Variants in FBXL13 observed in about 807,000 individuals in gnomAD.
The protein encoded by FBXL13 is F-box and leucine rich repeat protein 13.
In FBXL13, 67 loss-of-function variants were observed where a neutral mutation model predicts 83.6. The ratio of observed to expected loss-of-function variants is 0.80; its 90% CI spans 0.66 to 0.98. FBXL13 has a LOEUF of 0.98. Among genes scored for constraint, FBXL13 ranks in the 50% least tolerant of loss-of-function variants. FBXL13 has a pLI of 0.00. For missense variants in FBXL13, 822 were observed against 866.5 expected (o/e 0.95, Z 0.64); for synonymous variants, 272 against 299.5 (o/e 0.91, Z 0.95).
At chr7:102,833,466 C>T (rs191704534) in intron 17 of FBXL13, among the ~76,000 whole-genome samples, 180 of 143,864 alleles carry the variant, frequency 1.3e-3, no homozygotes, top group Non-Finnish European at 2.1e-3. Flanking sequence ...GAGTCTTCCT[C>T]TGTTGCCCAG....
chr7:102,938,454 G>A (rs1759807249), intron 8 of FBXL13, among the ~76,000 whole-genome samples: 1 of 152,120 alleles, frequency 6.6e-6, no homozygotes, highest in African/African-American at 2.4e-5. Flanking sequence ...CTGCTAAATG[G>A]GGAAATTACC....
exon 17 of FBXL13, chr7:102,854,779 G>T: frequency 1.3e-6 from 2 of 1,556,288 alleles, no homozygotes; most frequent in Non-Finnish European, 1.7e-6. Flanking sequence ...GATCTTACCT[G>T]AATTCCATCA....
chr7:102,854,737 T>C (rs1244090686), intron 17 of FBXL13, 40 bp downstream of exon 18: 1 of 1,294,988 alleles, frequency 7.7e-7, no homozygotes, highest in Non-Finnish European at 1.1e-6. Flanking sequence ...AAGAAAAATT[T>C]CAATCTTAAT....
intron 10 of FBXL13, among the ~76,000 whole-genome samples, chr7:102,914,851 G>A (rs569627681): frequency 1.3e-5 from 2 of 152,154 alleles, no homozygotes; most frequent in African/African-American, 2.4e-5. Context: ...TTGGAAATGC[G>A]TTATCTTCCT....
chr7:102,894,568 T>A (rs1383126041), intron 11 of FBXL13, among the ~76,000 whole-genome samples: 1 of 151,260 alleles, frequency 6.6e-6, no homozygotes, highest in African/African-American at 2.4e-5. Flanking sequence ...AGAAAAAAAA[T>A]TTGAAAAGAA....
intron 6 of FBXL13, among the ~76,000 whole-genome samples, chr7:102,981,564 A>T (rs948820380): frequency 6.6e-6 from 1 of 152,208 alleles, no homozygotes; most frequent in African/African-American, 2.4e-5. Flanking sequence ...AGTACTATAG[A>T]CTGAGTAACT....
At chr7:102,967,974 T>C in intron 7 of FBXL13, 48 bp downstream of exon 8, 1 of 1,421,738 alleles carries the variant, frequency 7.0e-7, no homozygotes, top group African/African-American at 1.4e-5. Flanking sequence ...CAGTCCATTC[T>C]CCTTTAAGAA....
At chr7:102,925,801 C>T (rs556610518) in intron 10 of FBXL13, among the ~76,000 whole-genome samples, 106 of 152,104 alleles carry the variant, frequency 7.0e-4, no homozygotes, top group South Asian at 3.3e-3. Flanking sequence ...AATAGCCAGG[C>T]GTGGTGGTGG....
intron 11 of FBXL13, among the ~76,000 whole-genome samples, chr7:102,904,729 T>C (rs1247253194): frequency 6.6e-6 from 1 of 152,068 alleles, no homozygotes; most frequent in Non-Finnish European, 1.5e-5. Flanking sequence ...GTTTTTCCTC[T>C]TTTTTGATGT....
At chr7:102,923,962 G>C (rs1338706769) in intron 10 of FBXL13, among the ~76,000 whole-genome samples, 1 of 152,028 alleles carries the variant, frequency 6.6e-6, no homozygotes, top group Non-Finnish European at 1.5e-5. Flanking sequence ...AAACTAGGCT[G>C]GGCGCAGTGG....
chr7:102,955,624 A>G (rs1824141158), intron 8 of FBXL13, among the ~76,000 whole-genome samples: 1 of 151,988 alleles, frequency 6.6e-6, no homozygotes, highest in Admixed American at 6.6e-5. Flanking sequence ...AGATCAACAG[A>G]ATTGACAGAC....
intron 8 of FBXL13, among the ~76,000 whole-genome samples, chr7:102,941,194 T>A (rs1422406854): frequency 6.6e-6 from 1 of 152,142 alleles, no homozygotes; most frequent in Non-Finnish European, 1.5e-5. Context: ...TCAAAAGCAA[T>A]TTTCATTTTT....
chr7:103,046,490 T>C (rs1454761061), intron 2 of FBXL13, among the ~76,000 whole-genome samples: 1 of 151,764 alleles, frequency 6.6e-6, no homozygotes, highest in Non-Finnish European at 1.5e-5. Context: ...CTAAGAGGAG[T>C]TTTGACTGAT....
intron 11 of FBXL13, among the ~76,000 whole-genome samples, chr7:102,893,964 G>A (rs199759275): frequency 0.053 from 3,992 of 74,798 alleles, 166 homozygotes; most frequent in African/African-American, 0.22. Flanking sequence ...GAAAGAAAGA[G>A]AGAAAGAAAG....
rs189237104 is a variant in FBXL13 at position 103,050,418 on chromosome 7, G to A, written c.-1+5226C>T. 7.9e-5 allele frequency among the ~76,000 whole-genome samples: 12 copies of A among 152,148 alleles called. No individual in the cohort carries two copies. The East Asian group carries it at 1.7e-3, about 22-fold the overall frequency. On this transcript the variant is annotated intron_variant, in intron 2 of 19. Coordinates refer to ENST00000313221, the Ensembl canonical transcript of FBXL13. ...TCATAAAGGAAAATTAACTTTTTTC[G>A]TTTTGGCCAGAACAAAACACATATG...
At chr7:102,910,684 A>T (rs1223478573) in intron 11 of FBXL13, among the ~76,000 whole-genome samples, 1 of 152,140 alleles carries the variant, frequency 6.6e-6, no homozygotes. Flanking sequence ...GAAAGGTATG[A>T]TACCTTTTTT....
chr7:102,845,530 G>T (rs567120592), intron 17 of FBXL13, among the ~76,000 whole-genome samples: 19 of 152,220 alleles, frequency 1.2e-4, no homozygotes, highest in South Asian at 4.2e-4. Flanking sequence ...TGAAAGCGGG[G>T]ACACCACCAA....
chr7:102,841,071 G>A (rs1412724535), intron 17 of FBXL13, among the ~76,000 whole-genome samples: 2 of 152,096 alleles, frequency 1.3e-5, no homozygotes, highest in African/African-American at 2.4e-5. Flanking sequence ...TGTGAGACAT[G>A]CCACAGGCCC....
At chr7:102,857,843 T>C (rs980054459) in intron 16 of FBXL13, 2 of 152,198 alleles carry the variant, frequency 1.3e-5, no homozygotes, top group East Asian at 3.8e-4. Context: ...AGAGAACTCC[T>C]ATACACTGTT....
Sources: allele counts gnomAD v4.1 joint callset (sites outside exome capture counted in the v4.1 genomes callset), GRCh38; gene constraint gnomAD v4.1.1; transcripts MANE v1.5; gene names NCBI Gene and HGNC (gene_info 2026-07-23, HGNC 2026-07-21).